Variants in NAA25 observed in about 807,000 individuals in gnomAD.
NAA25 encodes the protein N-alpha-acetyltransferase 25, NatB auxiliary subunit.
In NAA25, 30 loss-of-function variants were observed where a neutral mutation model predicts 132.5. The ratio of observed to expected loss-of-function variants is 0.23; its 90% CI spans 0.17 to 0.31. The LOEUF is 0.31. Among genes scored for constraint, NAA25 ranks in the 10% least tolerant of loss-of-function variants. The pLI is 1.00. For synonymous variants in NAA25, 359 were observed against 401.9 expected, an observed-to-expected ratio of 0.89 and a Z score of 1.28; for missense variants, 771 against 1,150.4, an observed-to-expected ratio of 0.67 and a Z score of 4.77.
intron 18 of NAA25, 67 bp from the exon 19 acceptor site, chr12:112,043,278 A>T: frequency 6.7e-7 from 1 of 1,484,654 alleles, no homozygotes; most frequent in Non-Finnish European, 9.0e-7. Context: ...TAAGAAAATC[A>T]GGTAACTAGT....
At chr12:112,037,761 G>A (rs1265010788) in intron 22 of NAA25, 1 of 150,614 alleles carries the variant, frequency 6.6e-6, no homozygotes, top group African/African-American at 2.4e-5. Flanking sequence ...AGGACAACAT[G>A]TCTATATTTA....
chr12:112,075,548 C>T (rs2078883466), intron 8 of NAA25, 130 bp downstream of exon 8: 1 of 663,976 alleles, frequency 1.5e-6, no homozygotes, highest in Non-Finnish European at 2.5e-6. Context: ...CTTTTAGAAA[C>T]ATGCAGGACA....
chr12:112,040,510 G>C lies in NAA25; in HGVS notation c.2509C>G (p.Leu837Val). ...KDGNLKTHPT[L>V]LENLVFFVET... ...ACAAAGAAAACTAGATTTTCTAAAA[G>C]AGTAGGATGTGTTTTCAAGTTACCA... is the stretch of plus-strand genomic sequence containing the variant. Residue 837 changes from leucine (L) to valine (V), a missense_variant, in exon 21 of 24, where the codon CTT becomes GTT. Physicochemically the swap from Leu to Val is conservative, Grantham distance 32 (BLOSUM62 1). Transcript: ENST00000261745. 1.2e-6 allele frequency: 2 copies of C among 1,601,856 alleles called. No homozygotes were observed. The highest frequency in any genetic ancestry group is 1.7e-6 in the Non-Finnish European group (2 of 1,171,234).
chr12:112,043,822 A>G lies in NAA25; in HGVS notation c.2053T>C (p.Leu685=). ...HKKLSLEEET[L]WLRIRSLTLR... is the part of the protein sequence containing the mutation. ...GTTAAGGATCGGATTCTTAACCACA[A>G]GGTCTCCTCCTCTAAGGAAAGTTTC... The change falls in exon 18 of 24, where the codon TTG becomes CTG. Residue 685 remains leucine, a synonymous_variant. Transcript: ENST00000261745. The G allele has an allele frequency of 1.1e-5, 18 of 1,614,172 alleles. No homozygotes were observed. Among genetic ancestry groups the G allele is most frequent in the Non-Finnish European group, 1.5e-5 (18 of 1,180,008 alleles).
chr12:112,041,944 T>C, intron 20 of NAA25, 95 bp downstream of exon 20: 1 of 688,614 alleles, frequency 1.5e-6, no homozygotes, highest in Non-Finnish European at 2.4e-6. Context: ...CTTACTTATC[T>C]CTGGGTGATT....
At chr12:112,047,356 C>T (rs944233319) in intron 17 of NAA25, among the ~76,000 whole-genome samples, 3 of 151,768 alleles carry the variant, frequency 2.0e-5, no homozygotes, top group African/African-American at 4.8e-5. Context: ...CTCAGCTTCC[C>T]GAATAGCTGG....
At chr12:112,091,137 G>A (rs2079121507) in intron 2 of NAA25, among the ~76,000 whole-genome samples, 1 of 151,564 alleles carries the variant, frequency 6.6e-6, no homozygotes, top group Admixed American at 6.6e-5. Flanking sequence ...GGGTATGGTG[G>A]TGTGCACCCA....
At chr12:112,054,277 T>C in intron 14 of NAA25, 111 bp downstream of exon 14, 1 of 936,944 alleles carries the variant, frequency 1.1e-6, no homozygotes, top group Non-Finnish European at 1.6e-6. Context: ...CAGGTTATTA[T>C]TTAATCAGAA....
At chr12:112,041,165 A>G (rs899579860) in intron 20 of NAA25, among the ~76,000 whole-genome samples, 4 of 151,632 alleles carry the variant, frequency 2.6e-5, no homozygotes, top group Non-Finnish European at 5.9e-5. Flanking sequence ...GGGAAAAAAA[A>G]AATCATTTAG....
At chr12:112,041,247 G>C (rs2078297762) in intron 20 of NAA25, among the ~76,000 whole-genome samples, 1 of 151,632 alleles carries the variant, frequency 6.6e-6, no homozygotes, top group Non-Finnish European at 1.5e-5. Context: ...AAGTGTAGTG[G>C]CGCTATCTCA....
chr12:112,095,892 T>C (rs1028954811), intron 1 of NAA25, among the ~76,000 whole-genome samples: 2 of 152,156 alleles, frequency 1.3e-5, no homozygotes, highest in Non-Finnish European at 2.9e-5. Flanking sequence ...TATAATACTG[T>C]AATGGTGGAT....
intron 1 of NAA25, among the ~76,000 whole-genome samples, chr12:112,106,696 C>T (rs1441191052): frequency 6.6e-6 from 1 of 151,980 alleles, no homozygotes; most frequent in African/African-American, 2.4e-5. Flanking sequence ...GTGGCTCACA[C>T]CTGTAATCCC....
chr12:112,061,488 G>GAA, intron 11 of NAA25, 100 bp from the exon 12 acceptor site: 102 of 746,292 alleles, frequency 1.4e-4, no homozygotes, highest in Middle Eastern at 2.6e-4. Context: ...AAGACATCAA[G>GAA]AAAAAAAAAA....
chr12:112,098,687 G>T (rs1419162262), intron 1 of NAA25, among the ~76,000 whole-genome samples: 1 of 152,172 alleles, frequency 6.6e-6, no homozygotes, highest in Non-Finnish European at 1.5e-5. Context: ...CAAAGCACGG[G>T]TGAGTGCCAT....
chr12:112,047,313 C>T (rs527252754), intron 17 of NAA25, among the ~76,000 whole-genome samples: 6 of 148,534 alleles, frequency 4.0e-5, no homozygotes, highest in African/African-American at 1.5e-4. Flanking sequence ...CTCACTGCAA[C>T]CTCCGCTCCC....
At chr12:112,087,591 AC>A in intron 4 of NAA25, 91 bp downstream of exon 4, 2 of 791,194 alleles carry the variant, frequency 2.5e-6, no homozygotes, top group Non-Finnish European at 4.2e-6. Flanking sequence ...AATTCTACAC[AC>A]ACACATACCC....
intron 8 of NAA25, 79 bp from the exon 9 acceptor site, chr12:112,074,843 T>G: frequency 1.0e-6 from 1 of 976,880 alleles, no homozygotes; most frequent in Non-Finnish European, 1.6e-6. Flanking sequence ...GATATTCAAT[T>G]TATTTTGTAA....
chr12:112,051,641 T>C (rs1302448785), intron 15 of NAA25, among the ~76,000 whole-genome samples: 1 of 152,168 alleles, frequency 6.6e-6, no homozygotes, highest in Non-Finnish European at 1.5e-5. Flanking sequence ...TAAAATGCTA[T>C]AATTTTATCA....
chr12:112,057,952 G>C (rs992285685), intron 13 of NAA25, among the ~76,000 whole-genome samples: 1 of 152,202 alleles, frequency 6.6e-6, no homozygotes. Context: ...TTGCACTCCA[G>C]TCTGGCGACA....
Sources: gnomAD v4.1 joint callset for allele counts (sites outside exome capture counted in the v4.1 genomes callset) on GRCh38, gnomAD v4.1.1 for gene constraint, MANE v1.5 for transcripts, NCBI Gene and HGNC (gene_info 2026-07-23, HGNC 2026-07-21) for gene names.